Variants in RNFT2 observed in about 807,000 individuals in gnomAD.
RNFT2 encodes ring finger protein, transmembrane 2.
Under a neutral mutation model 53.0 loss-of-function variants are expected in RNFT2, and 36 were observed. That is an observed-to-expected ratio of 0.68 (90% CI 0.52 to 0.90). The LOEUF is 0.90. RNFT2 is among the 40% of genes least tolerant of loss of function. The pLI, the probability that RNFT2 is intolerant of heterozygous loss-of-function variation, is 0.00. For synonymous variants in RNFT2, 260 were observed against 253.2 expected, an observed-to-expected ratio of 1.03 and a Z score of -0.26; for missense variants, 514 against 585.6, an observed-to-expected ratio of 0.88 and a Z score of 1.26.
At chr12:116,836,879 G>A (rs966096714) in intron 10 of RNFT2, among the ~76,000 whole-genome samples, 6 of 151,914 alleles carry the variant, frequency 3.9e-5, no homozygotes, top group Non-Finnish European at 7.4e-5. Flanking sequence ...GCAGTGAGCC[G>A]AGGTCATGCC....
At position 116,850,321 on chromosome 12, in the gene RNFT2, ATT is replaced by A. The variant is rs34116756; in HGVS notation, c.*887_*888del. The A allele has an allele frequency of 2.4e-3, 346 of 145,402 alleles. No homozygotes were observed. The highest frequency in any genetic ancestry group is 3.4e-3 in the Middle Eastern group (1 of 290). 9.0% of individuals were successfully genotyped at this position (145,402 alleles called of 1,614,324 possible). ...AGGTGTGTGCCACCAGGCCTGGCTA[ATT>A]TTTTTTTTTTTTTAATTTTTAGTAG... On this transcript the variant is annotated 3_prime_UTR_variant, in exon 11 of 11. Coordinates refer to ENST00000257575, the MANE Select transcript of RNFT2 (RefSeq NM_001382266.1).
At chr12:116,845,458 CAG>C (rs145066579) in intron 10 of RNFT2, among the ~76,000 whole-genome samples, 103 of 152,088 alleles carry the variant, frequency 6.8e-4, no homozygotes, top group African/African-American at 2.2e-3. Context: ...CATCATAAAA[CAG>C]GGGAGACATG....
chr12:116,779,700 A>G (rs1873603057), intron 7 of RNFT2, among the ~76,000 whole-genome samples: 1 of 152,160 alleles, frequency 6.6e-6, no homozygotes, highest in Non-Finnish European at 1.5e-5. Context: ...GAGAGCCCTA[A>G]TAGGTTTTGA....
intron 3 of RNFT2, among the ~76,000 whole-genome samples, chr12:116,746,582 G>A (rs1408477631): frequency 1.3e-5 from 2 of 152,148 alleles, no homozygotes; most frequent in Admixed American, 6.5e-5. Context: ...AGTTGGGATG[G>A]GGTACGGGTT....
intron 7 of RNFT2, among the ~76,000 whole-genome samples, chr12:116,794,691 G>GAAA (rs1874419343): frequency 7.8e-6 from 1 of 128,004 alleles, no homozygotes; most frequent in Non-Finnish European, 1.7e-5. Context: ...AGGGAGGGAG[G>GAAA]GAAGGGAAGG....
rs11377177 is a variant in RNFT2 at position 116,753,148 on chromosome 12, C to CTTTTTT, written c.551-821_551-816dup. Among the ~76,000 whole-genome samples the CTTTTTT allele has an allele frequency of 2.0e-3, 186 of 93,698 alleles. 1 individual carries two copies. The highest frequency in any genetic ancestry group is 4.0e-3 in the African/African-American group (91 of 22,746). The allele number at this position is 93,698 out of a possible 152,430, so 61.5% of individuals were successfully genotyped here. ...TTTTTTCTTTTTCTTTTTTCTTTTTCTTTTTTTTTTTTTTTTTTTTGAGAC... is the reference window on the plus strand; with the variant it reads ...TTTTTTCTTTTTCTTTTTTCTTTTTCTTTTTTTTTTTTTTTTTTTTTTTTTTGAGAC... On this transcript the variant is annotated intron_variant, in intron 4 of 10. Transcript: ENST00000257575.
chr12:116,829,413 T>G (rs1303537081), intron 7 of RNFT2, among the ~76,000 whole-genome samples: 3 of 152,088 alleles, frequency 2.0e-5, no homozygotes, highest in African/African-American at 7.2e-5. Flanking sequence ...GCTCAGGGAC[T>G]GGTGGGAGTC....
intron 7 of RNFT2, among the ~76,000 whole-genome samples, chr12:116,812,071 C>A (rs1377654113): frequency 1.3e-5 from 2 of 152,086 alleles, no homozygotes; most frequent in African/African-American, 2.4e-5. Flanking sequence ...CAAATGAGGT[C>A]ATGAGGTTTA....
At chr12:116,811,861 G>T in intron 7 of RNFT2, among the ~76,000 whole-genome samples, 1 of 152,200 alleles carries the variant, frequency 6.6e-6, no homozygotes, top group Non-Finnish European at 1.5e-5. Flanking sequence ...GGAAGGAAAA[G>T]AAGGGAGGAA....
intron 7 of RNFT2, among the ~76,000 whole-genome samples, chr12:116,799,204 C>T (rs577733460): frequency 8.7e-4 from 133 of 152,320 alleles, no homozygotes; most frequent in African/African-American, 3.0e-3. Flanking sequence ...AAGCCACGCT[C>T]CAGTCCTTGT....
intron 7 of RNFT2, among the ~76,000 whole-genome samples, chr12:116,832,551 T>A (rs1223582612): frequency 6.6e-6 from 1 of 152,172 alleles, no homozygotes; most frequent in African/African-American, 2.4e-5. Context: ...GACATATGTT[T>A]TCATTTCTCT....
chr12:116,819,308 C>G (rs987197343), intron 7 of RNFT2, among the ~76,000 whole-genome samples: 1 of 152,230 alleles, frequency 6.6e-6, no homozygotes, highest in African/African-American at 2.4e-5. Context: ...CCTTTGTCCG[C>G]GAAGGGCTAA....
At chr12:116,762,287 G>T (rs1203317499) in intron 5 of RNFT2, among the ~76,000 whole-genome samples, 2 of 151,942 alleles carry the variant, frequency 1.3e-5, no homozygotes, top group East Asian at 3.9e-4. Context: ...GGCTGAGGCA[G>T]GAGAATTGCT....
chr12:116,813,872 C>A (rs1337673740), intron 7 of RNFT2, among the ~76,000 whole-genome samples: 1 of 152,136 alleles, frequency 6.6e-6, no homozygotes, highest in African/African-American at 2.4e-5. Context: ...TTGGATGAGT[C>A]AGTAGCCTTC....
At chr12:116,780,487 C>A (rs1221079862) in intron 7 of RNFT2, among the ~76,000 whole-genome samples, 1 of 152,090 alleles carries the variant, frequency 6.6e-6, no homozygotes, top group East Asian at 1.9e-4. Context: ...TGCTTGCTCA[C>A]CCACTGCTCA....
chr12:116,817,381 C>G (rs186593871), intron 7 of RNFT2, among the ~76,000 whole-genome samples: 192 of 152,286 alleles, frequency 1.3e-3, no homozygotes, highest in Non-Finnish European at 1.9e-3. Context: ...AACTCCTGGC[C>G]TCTAGCAATC....
intron 7 of RNFT2, among the ~76,000 whole-genome samples, chr12:116,819,359 C>G (rs1020033707): frequency 6.6e-6 from 1 of 152,160 alleles, no homozygotes; most frequent in Non-Finnish European, 1.5e-5. Context: ...GCGGGACGCC[C>G]GGAGGCCAGA....
chr12:116,832,126 G>T (rs1289550058), intron 7 of RNFT2, among the ~76,000 whole-genome samples: 2 of 50,988 alleles, frequency 3.9e-5, no homozygotes, highest in South Asian at 7.4e-4. Context: ...GCAAGACCTT[G>T]TCTCAAAAAA....
In RNFT2 at chr12:116,845,258, A is replaced by AAT. The variant is rs1555210658; in HGVS notation, c.1201-4040_1201-4039dup. On this transcript the variant is annotated intron_variant, in intron 10 of 10. Coordinates refer to ENST00000257575, the MANE Select transcript of RNFT2 (RefSeq NM_001382266.1). Reference sequence around the variant, plus strand: ...GACCCGGTTTCAAAAAAAAAAAAAAAATATATATATATATATAGAGAGAGA... The same window carrying AAT: ...GACCCGGTTTCAAAAAAAAAAAAAAAATATATATATATATATATAGAGAGAGA... Among the ~76,000 whole-genome samples, 48 of 122,524 alleles carry AAT rather than the reference A, an allele frequency of 3.9e-4. No individual in the cohort carries two copies. In the East Asian group the frequency reaches 7.0e-3, roughly 18 times the overall value. The allele number at this position is 122,524 out of a possible 152,430, so 80.4% of individuals were successfully genotyped here.
Sources: gnomAD v4.1 joint callset for allele counts (sites outside exome capture counted in the v4.1 genomes callset) on GRCh38, gnomAD v4.1.1 for gene constraint, MANE v1.5 for transcripts, NCBI Gene and HGNC (gene_info 2026-07-23, HGNC 2026-07-21) for gene names.